The following CDH12 variants were observed in gnomAD, a reference collection of about 807,000 sequenced individuals.
The protein encoded by CDH12 is cadherin-12.
CDH12 carries 41 observed loss-of-function variants against 74.1 expected under a neutral mutation model. The ratio of observed to expected loss-of-function variants is 0.55; its 90% CI spans 0.43 to 0.72. CDH12 has a LOEUF of 0.72. CDH12 is among the 30% of genes least tolerant of loss of function. CDH12 has a pLI of 0.00. For synonymous variants in CDH12, 399 were observed against 355.0 expected (o/e 1.12, Z -1.39); for missense variants, 945 against 977.2 (o/e 0.97, Z 0.44).
chr5:21,820,843 T>C (rs1306072516), intron 8 of CDH12, among the ~76,000 whole-genome samples: 1 of 151,962 alleles, frequency 6.6e-6, no homozygotes, highest in East Asian at 1.9e-4. Context: ...CGCCACCGTC[T>C]TCCAGGCGTC....
chr5:22,103,467 G>A (rs938140025), intron 4 of CDH12, among the ~76,000 whole-genome samples: 4 of 152,142 alleles, frequency 2.6e-5, no homozygotes, highest in Non-Finnish European at 5.9e-5. Flanking sequence ...CCCTCTATTT[G>A]CTGGTGTGAA....
intron 6 of CDH12, among the ~76,000 whole-genome samples, chr5:21,890,324 C>T (rs552109472): frequency 6.6e-6 from 1 of 152,010 alleles, no homozygotes; most frequent in Non-Finnish European, 1.5e-5. Flanking sequence ...ACTCTTAAAT[C>T]TTTCTTCTAT....
chr5:22,752,106 T>C (rs1319225661), intron 1 of CDH12, among the ~76,000 whole-genome samples: 1 of 152,198 alleles, frequency 6.6e-6, no homozygotes, highest in Non-Finnish European at 1.5e-5. Context: ...TGTATTATAT[T>C]ACTCCAACAT....
chr5:22,355,224 T>C (rs1242838210), intron 3 of CDH12, among the ~76,000 whole-genome samples: 1 of 152,120 alleles, frequency 6.6e-6, no homozygotes, highest in Non-Finnish European at 1.5e-5. Flanking sequence ...GTGGGTGATA[T>C]CTTCCTTTTC....
At chr5:22,314,638 G>A (rs1459410063) in intron 3 of CDH12, among the ~76,000 whole-genome samples, 1 of 152,156 alleles carries the variant, frequency 6.6e-6, no homozygotes, top group Non-Finnish European at 1.5e-5. Flanking sequence ...TGCCACGTAA[G>A]GTGAGCTCGT....
chr5:22,470,648 C>T (rs376543727), intron 2 of CDH12, among the ~76,000 whole-genome samples: 1 of 151,978 alleles, frequency 6.6e-6, no homozygotes, highest in Non-Finnish European at 1.5e-5. Flanking sequence ...GTTGAACTCC[C>T]AGTGTCAAGT....
At chr5:22,159,710 T>C (rs550107104) in intron 4 of CDH12, among the ~76,000 whole-genome samples, 24 of 152,324 alleles carry the variant, frequency 1.6e-4, no homozygotes, top group Non-Finnish European at 3.2e-4. Context: ...GGCTTATCTA[T>C]TTAGCTTAAA....
chr5:22,675,334 G>A (rs1251764797), intron 1 of CDH12, among the ~76,000 whole-genome samples: 1 of 152,210 alleles, frequency 6.6e-6, no homozygotes, highest in African/African-American at 2.4e-5. Flanking sequence ...TCCAAGTGGT[G>A]TTGAGCCTGT....
At chr5:22,283,722 T>G (rs528512241) in intron 3 of CDH12, among the ~76,000 whole-genome samples, 1 of 152,202 alleles carries the variant, frequency 6.6e-6, no homozygotes, top group East Asian at 1.9e-4. Context: ...AATGATAATA[T>G]TGTACTGTAT....
At chr5:22,263,547 C>T (rs1753598132) in intron 3 of CDH12, among the ~76,000 whole-genome samples, 1 of 152,040 alleles carries the variant, frequency 6.6e-6, no homozygotes, top group African/African-American at 2.4e-5. Context: ...AACTTAAAAA[C>T]ATCCTGGCCA....
intron 4 of CDH12, among the ~76,000 whole-genome samples, chr5:22,171,558 C>T (rs1190427059): frequency 6.6e-6 from 1 of 151,926 alleles, no homozygotes; most frequent in Non-Finnish European, 1.5e-5. Context: ...AGAGTGCATA[C>T]TATCTGTGTG....
In CDH12 at chr5:21,751,624, G is replaced by T. The variant is rs796299046; in HGVS notation, c.*113C>A. 4.0e-5 allele frequency: 27 copies of T among 679,684 alleles called. No individual in the cohort carries two copies. Among genetic ancestry groups the T allele is most frequent in the Middle Eastern group, 5.3e-4 (2 of 3,740 alleles). 42.1% of individuals were successfully genotyped at this position (679,684 alleles called of 1,614,324 possible). On this transcript the variant is annotated 3_prime_UTR_variant, in exon 15 of 15. Coordinates refer to ENST00000382254, the MANE Select transcript of CDH12 (RefSeq NM_004061.5). ...CTTGTCCCAGAGTGTGTGTGTGTGT[G>T]TGTGTGTTTGTGTGTGTGTGTGTGT...
intron 4 of CDH12, among the ~76,000 whole-genome samples, chr5:22,199,126 C>A (rs1750783499): frequency 6.6e-6 from 1 of 152,152 alleles, no homozygotes; most frequent in African/African-American, 2.4e-5. Context: ...GAAATGCTTA[C>A]TCAGATTCCT....
chr5:22,024,083 G>C (rs1738178736), intron 5 of CDH12, among the ~76,000 whole-genome samples: 1 of 152,116 alleles, frequency 6.6e-6, no homozygotes, highest in African/African-American at 2.4e-5. Flanking sequence ...GAGTATTGAG[G>C]TGAGGAAAAT....
intron 6 of CDH12, among the ~76,000 whole-genome samples, chr5:21,946,029 C>T (rs1274088494): frequency 1.3e-5 from 2 of 151,378 alleles, no homozygotes; most frequent in Admixed American, 1.3e-4. Context: ...AGAAAAATGG[C>T]ACATTTCTTA....
At chr5:22,275,661 A>C (rs1482804610) in intron 3 of CDH12, among the ~76,000 whole-genome samples, 1 of 152,228 alleles carries the variant, frequency 6.6e-6, no homozygotes, top group Non-Finnish European at 1.5e-5. Context: ...CTTAATATCA[A>C]TAATTAAGAA....
In CDH12 at chr5:22,283,139, G is replaced by A. The variant is rs1208280990; in HGVS notation, c.-332-70496C>T. 2.7e-5 allele frequency among the ~76,000 whole-genome samples: 4 copies of A among 149,406 alleles called. No individual in the cohort carries two copies. In the East Asian group the frequency reaches 7.8e-4, roughly 29 times the overall value. On this transcript the variant is annotated intron_variant, in intron 3 of 14. Coordinates refer to ENST00000382254, the MANE Select transcript of CDH12 (RefSeq NM_004061.5). ...ACACAGAATATTTGTCCATCTTCTA[G>A]AAATGTTTGATAATAATGTAACATG... is the stretch of plus-strand genomic sequence containing the variant.
chr5:22,702,563 T>C (rs1273205562), intron 1 of CDH12, among the ~76,000 whole-genome samples: 1 of 152,020 alleles, frequency 6.6e-6, no homozygotes, highest in East Asian at 1.9e-4. Flanking sequence ...CTATTTTGAC[T>C]TTTTATGTAG....
At chr5:21,803,267 TA>T (rs1459946048) in intron 9 of CDH12, among the ~76,000 whole-genome samples, 82 of 152,262 alleles carry the variant, frequency 5.4e-4, no homozygotes, top group Non-Finnish European at 1.1e-3. Context: ...GATCTTTTTT[TA>T]TTTTTTTTAC....
Sources: allele counts gnomAD v4.1 joint callset (sites outside exome capture counted in the v4.1 genomes callset), GRCh38; gene constraint gnomAD v4.1.1; transcripts MANE v1.5; gene names NCBI Gene and HGNC (gene_info 2026-07-23, HGNC 2026-07-21).